E2F5: variants seen among roughly 807,000 people sequenced by gnomAD.
E2F5 encodes E2F transcription factor 5.
Under a neutral mutation model 39.1 loss-of-function variants are expected in E2F5, and 23 were observed. The ratio of observed to expected loss-of-function variants is 0.59; its 90% confidence interval spans 0.42 to 0.83. The LOEUF is 0.83. Ranked by LOEUF, E2F5 falls within the 40% of genes least tolerant of loss-of-function variation. The pLI is 0.00. For missense variants in E2F5, 365 were observed against 406.7 expected, an observed-to-expected ratio of 0.90 and a Z score of 0.88; for synonymous variants, 145 against 157.8, an observed-to-expected ratio of 0.92 and a Z score of 0.61.
rs1170142741 is a variant in E2F5, at chr8:85,206,216, T to C, written c.546T>C (p.Phe182=). ...CTCATGAAGACATCTGTAATTGCTT[T>C]AATGGTAAGTACCATTAGACTTTTC... The part of the protein sequence containing the change: ...YVTHEDICNC[F]NGDTLLAIQA... The change falls in exon 4 of 8, where the codon TTT becomes TTC. Residue 182 remains phenylalanine (F), a synonymous_variant. Transcript: ENST00000416274. 1.2e-6 allele frequency: 2 copies of C among 1,613,118 alleles called. No homozygotes were observed. The highest frequency in any genetic ancestry group is 4.5e-5 in the East Asian group (2 of 44,850).
chr8:85,180,348 T>A (rs1178448153), intron 1 of E2F5, among the ~76,000 whole-genome samples: 1 of 151,744 alleles, frequency 6.6e-6, no homozygotes, highest in Non-Finnish European at 1.5e-5. Flanking sequence ...TAATACATAT[T>A]AAAGATGGAC....
At chr8:85,213,394 G>C (rs1421322951) in intron 7 of E2F5, 1 of 155,248 alleles carries the variant, frequency 6.4e-6, no homozygotes, top group Admixed American at 6.5e-5. Context: ...TAAAAAAAAT[G>C]AGCCGGTCGT....
At chr8:85,201,515 G>A (rs1324087409) in intron 1 of E2F5, among the ~76,000 whole-genome samples, 1 of 152,220 alleles carries the variant, frequency 6.6e-6, no homozygotes, top group Admixed American at 6.5e-5. Flanking sequence ...CTTATCTAAT[G>A]TGAATGCAGC....
At chr8:85,198,680 G>A (rs759573237) in intron 1 of E2F5, among the ~76,000 whole-genome samples, 1 of 152,198 alleles carries the variant, frequency 6.6e-6, no homozygotes, top group African/African-American at 2.4e-5. Flanking sequence ...GTGGCAGGTT[G>A]CTCCCTCATT....
At chr8:85,185,985 C>T (rs202164806) in intron 1 of E2F5, among the ~76,000 whole-genome samples, 1 of 152,172 alleles carries the variant, frequency 6.6e-6, no homozygotes, top group South Asian at 2.1e-4. Context: ...GAAATACCAT[C>T]TGACCCAGCA....
intron 1 of E2F5, among the ~76,000 whole-genome samples, chr8:85,187,501 A>G (rs1377661483): frequency 1.3e-5 from 2 of 152,124 alleles, no homozygotes; most frequent in South Asian, 4.1e-4. Context: ...TACAACTGTT[A>G]TATCTCATGT....
At chr8:85,179,387 T>C (rs1812151400) in intron 1 of E2F5, among the ~76,000 whole-genome samples, 1 of 152,206 alleles carries the variant, frequency 6.6e-6, no homozygotes, top group African/African-American at 2.4e-5. Flanking sequence ...CTGTTTCATC[T>C]GTGGCTATAT....
rs1457800348 is a variant in E2F5, at chr8:85,209,940, G to A, written c.883+531G>A. Among the ~76,000 whole-genome samples, 5 of 152,188 alleles carry A rather than the reference G, an allele frequency of 3.3e-5. 1 individual carries two copies. The highest frequency in any genetic ancestry group is 1.5e-5 in the Non-Finnish European group (1 of 68,034). ...TTGGGAAGCTTAGTTTTATAGAAGT[G>A]ATAAATGGTCTCAACTCCAATTATG... On this transcript the variant is annotated intron_variant, in intron 6 of 7. Coordinates refer to ENST00000416274, the MANE Select transcript of E2F5 (RefSeq NM_001951.4).
At chr8:85,206,333 T>C in intron 4 of E2F5, 113 bp downstream of exon 4, 1 of 1,014,974 alleles carries the variant, frequency 9.9e-7, no homozygotes, top group Non-Finnish European at 1.5e-6. Context: ...TTGTGGGCAT[T>C]GTGTCTCACT....
chr8:85,212,247 T>C, intron 7 of E2F5, 43 bp downstream of exon 7: 1 of 1,347,382 alleles, frequency 7.4e-7, no homozygotes, highest in Non-Finnish European at 1.1e-6. Flanking sequence ...TCAGTAATGC[T>C]TCTGTGGAAT....
Position 85,209,313 on chromosome 8 carries a change from C to G in E2F5, c.787C>G (p.Gln263Glu). ...SSQSLTPVTP[Q>E]KSSMATQNLP... ...CCAGTCCTTGACTCCAGTGACTCCA[C>G]AGAAATCCAGCATGGCAACTCAAAA... Residue 263 changes from glutamine to glutamate, a missense_variant, in exon 6 of 8, where the codon CAG (glutamine) becomes GAG (glutamate). Gln to Glu is a conservative substitution (Grantham distance 29). Transcript: ENST00000416274. 6.2e-7 allele frequency: 1 copy of G among 1,614,002 alleles called. No individual in the cohort carries two copies.
intron 5 of E2F5, among the ~76,000 whole-genome samples, chr8:85,208,666 C>T (rs1399833883): frequency 6.6e-6 from 1 of 152,152 alleles, no homozygotes; most frequent in Non-Finnish European, 1.5e-5. Context: ...ATACAGATTA[C>T]TTTTTCAGCT....
rs370275849 is a variant in E2F5, at chr8:85,177,616, C to T, written c.196C>T (p.Leu66=). Reference sequence around the variant, plus strand: ...GCTCACTACCAAGTTCGTGTCGCTGCTGCAGGAGGCCAAGGACGGCGTTCT... The same window carrying T: ...GCTCACTACCAAGTTCGTGTCGCTGTTGCAGGAGGCCAAGGACGGCGTTCT... ...GLLTTKFVSL[L]QEAKDGVLDL... The change falls in exon 1 of 8, where the codon CTG becomes TTG. Residue 66 remains leucine, a synonymous_variant. Transcript: ENST00000416274. The T allele has an allele frequency of 6.2e-6, 8 of 1,298,108 alleles. No homozygotes were observed. Among genetic ancestry groups the T allele is most frequent in the Non-Finnish European group, 7.9e-6 (8 of 1,018,436 alleles). 80.4% of individuals were successfully genotyped at this position (1,298,108 alleles called of 1,614,324 possible).
At chr8:85,186,261 A>G (rs1345980921) in intron 1 of E2F5, among the ~76,000 whole-genome samples, 2 of 152,184 alleles carry the variant, frequency 1.3e-5, no homozygotes, top group African/African-American at 4.8e-5. Flanking sequence ...TCACAATAAC[A>G]GAAAACCAAA....
chr8:85,192,511 G>C (rs1812486782), intron 1 of E2F5, among the ~76,000 whole-genome samples: 1 of 152,152 alleles, frequency 6.6e-6, no homozygotes, highest in Non-Finnish European at 1.5e-5. Context: ...AATAAGACAA[G>C]AGAAAAGTCT....
chr8:85,181,659 C>T (rs1812217039), intron 1 of E2F5, among the ~76,000 whole-genome samples: 1 of 142,606 alleles, frequency 7.0e-6, no homozygotes, highest in South Asian at 2.5e-4. Flanking sequence ...AATAATATAA[C>T]TAATTGAAAA....
intron 1 of E2F5, among the ~76,000 whole-genome samples, chr8:85,196,235 T>A (rs181805543): frequency 6.6e-6 from 1 of 152,316 alleles, no homozygotes; most frequent in African/African-American, 2.4e-5. Context: ...TGGTAGCCCT[T>A]ACAGACCCAT....
chr8:85,212,118 G>GT lies in E2F5; in HGVS notation c.884-37dup, dbSNP rs753974669. 54 of 1,520,852 alleles carry GT rather than the reference G, an allele frequency of 3.6e-5. 1 individual carries two copies. The African/African-American group carries it at 7.3e-4, about 20-fold the overall frequency. 94.2% of individuals were successfully genotyped at this position (1,520,852 alleles called of 1,614,324 possible). ...TGTTTAAATATGAGTATCTTTTACT[G>GT]TTAACAGAAATATAACAAAACTTTA... is the stretch of plus-strand genomic sequence containing the variant. On this transcript the variant is annotated intron_variant, in intron 6 of 7. Transcript: ENST00000416274.
At chr8:85,183,026 C>T (rs1362029074) in intron 1 of E2F5, among the ~76,000 whole-genome samples, 1 of 152,112 alleles carries the variant, frequency 6.6e-6, no homozygotes. Flanking sequence ...CCGAGGCGGG[C>T]AGATCACGAG....
Sources: gnomAD v4.1 joint callset for allele counts (sites outside exome capture counted in the v4.1 genomes callset) on GRCh38, gnomAD v4.1.1 for gene constraint, MANE v1.5 for transcripts, NCBI Gene and HGNC (gene_info 2026-07-23, HGNC 2026-07-21) for gene names.